Variants in DAB1 observed in about 807,000 individuals in gnomAD.
DAB1 encodes the protein disabled homolog 1.
A neutral mutation model predicts 64.6 loss-of-function variants in DAB1; 15 were observed. The observed-to-expected ratio is 0.23, with a 90% CI of 0.16 to 0.36. DAB1 has a LOEUF of 0.36. DAB1 is among the 10% of genes least tolerant of loss of function. The probability of loss-of-function intolerance (pLI) is 1.00; values close to 1 mark genes in which losing one functional copy is unlikely to be tolerated. For missense variants in DAB1, 596 were observed against 706.7 expected (o/e 0.84, Z 1.78); for synonymous variants, 235 against 251.9 (o/e 0.93, Z 0.64).
chr1:57,795,876 T>G (rs989467154), intron 6 of DAB1, among the ~76,000 whole-genome samples: 2 of 151,334 alleles, frequency 1.3e-5, no homozygotes, highest in African/African-American at 4.9e-5. Context: ...TTAGTCAGTA[T>G]AGTGGGAAAA....
chr1:58,149,368 A>C (rs1483279792), intron 5 of DAB1, among the ~76,000 whole-genome samples: 2 of 152,186 alleles, frequency 1.3e-5, no homozygotes, highest in African/African-American at 4.8e-5. Context: ...GAAAGAAGGA[A>C]AGACTTTATT....
chr1:58,113,511 A>G (rs1250934724), intron 5 of DAB1, among the ~76,000 whole-genome samples: 2 of 152,160 alleles, frequency 1.3e-5, no homozygotes, highest in Non-Finnish European at 2.9e-5. Context: ...TCAAAAGCTG[A>G]AGCACAAATG....
chr1:58,288,183 T>G (rs560238955), intron 4 of DAB1, among the ~76,000 whole-genome samples: 1 of 152,280 alleles, frequency 6.6e-6, no homozygotes, highest in African/African-American at 2.4e-5. Flanking sequence ...ACATTTAAAC[T>G]GACAAATTAT....
intron 4 of DAB1, among the ~76,000 whole-genome samples, chr1:57,118,542 C>CA (rs1374930563): frequency 6.6e-6 from 1 of 152,104 alleles, no homozygotes; most frequent in African/African-American, 2.4e-5. Flanking sequence ...GAATAAGGAC[C>CA]AATGTATGAA....
In DAB1 at chr1:57,455,200, C is replaced by T. The variant is rs181005291; in HGVS notation, n.626-164034G>A. On this transcript the variant is annotated intron_variant and non_coding_transcript_variant, in intron 7 of 20. Transcript: ENST00000485760. ...TAAGTAATTATGCTTGGCATATAAACAGTTCCTAGGGGTAGCAGGGATGAG... is the reference window on the plus strand; with the variant it reads ...TAAGTAATTATGCTTGGCATATAAATAGTTCCTAGGGGTAGCAGGGATGAG... Among the ~76,000 whole-genome samples, 334 of 152,262 alleles carry T rather than the reference C, an allele frequency of 2.2e-3. 2 individuals are homozygous for T. Among genetic ancestry groups the T allele is most frequent in the African/African-American group, 7.5e-3 (311 of 41,550 alleles).
intron 7 of DAB1, among the ~76,000 whole-genome samples, chr1:57,465,830 G>GA (rs1314279017): frequency 6.6e-6 from 1 of 152,124 alleles, no homozygotes; most frequent in Non-Finnish European, 1.5e-5. Context: ...AGTGAACAGA[G>GA]AAAAAACTGA....
At chr1:57,092,420 G>T (rs1260539522) in intron 4 of DAB1, among the ~76,000 whole-genome samples, 1 of 152,070 alleles carries the variant, frequency 6.6e-6, no homozygotes. Flanking sequence ...TATCCCCCAT[G>T]CTGTTCTCAT....
intron 5 of DAB1, 82 bp downstream of exon 5, chr1:57,072,201 G>A: frequency 6.9e-7 from 1 of 1,458,812 alleles, no homozygotes; most frequent in Non-Finnish European, 9.5e-7. Flanking sequence ...TCTGAGAGTG[G>A]GCCCTCAAAG....
At chr1:57,098,822 G>T (rs1654408286) in intron 4 of DAB1, among the ~76,000 whole-genome samples, 1 of 151,992 alleles carries the variant, frequency 6.6e-6, no homozygotes, top group African/African-American at 2.4e-5. Flanking sequence ...ATTGCCCTGG[G>T]GATGATATTA....
chr1:57,711,230 T>C (rs1457549679), intron 6 of DAB1, among the ~76,000 whole-genome samples: 1 of 152,238 alleles, frequency 6.6e-6, no homozygotes, highest in Non-Finnish European at 1.5e-5. Context: ...AACTAAATGT[T>C]TCCCAAAGTT....
intron 5 of DAB1, among the ~76,000 whole-genome samples, chr1:57,969,959 C>T (rs747012701): frequency 2.6e-5 from 4 of 152,060 alleles, no homozygotes; most frequent in African/African-American, 4.8e-5. Context: ...GTGATTAGGT[C>T]TTAGAGGTAA....
chr1:57,927,825 A>G (rs952089454), intron 5 of DAB1, among the ~76,000 whole-genome samples: 2 of 152,180 alleles, frequency 1.3e-5, no homozygotes, highest in African/African-American at 4.8e-5. Flanking sequence ...TATCCCCAAC[A>G]TGATAAAAAC....
At chr1:58,392,294 C>T (rs995718494) in intron 3 of DAB1, among the ~76,000 whole-genome samples, 3 of 152,208 alleles carry the variant, frequency 2.0e-5, no homozygotes, top group Non-Finnish European at 4.4e-5. Flanking sequence ...CAGTGACCTT[C>T]AAGATGTAAC....
chr1:58,243,904 C>A (rs1211259251), intron 4 of DAB1, among the ~76,000 whole-genome samples: 1 of 151,672 alleles, frequency 6.6e-6, no homozygotes, highest in Non-Finnish European at 1.5e-5. Flanking sequence ...TCTTTTTAGA[C>A]AATTATCCTT....
At chr1:57,842,394 A>G (rs1386608398) in intron 1 of DAB1, among the ~76,000 whole-genome samples, 1 of 152,158 alleles carries the variant, frequency 6.6e-6, no homozygotes, top group African/African-American at 2.4e-5. Flanking sequence ...TCTGTCCGTT[A>G]CCTAGTTCAA....
At chr1:58,433,760 T>C (rs1644911613) in intron 3 of DAB1, among the ~76,000 whole-genome samples, 1 of 152,128 alleles carries the variant, frequency 6.6e-6, no homozygotes, top group Admixed American at 6.5e-5. Context: ...GAAAGAATAG[T>C]ATTAACTCAT....
At chr1:57,142,598 T>TCA (rs149545090) in intron 3 of DAB1, among the ~76,000 whole-genome samples, 58,764 of 142,490 alleles carry the variant, frequency 0.41, 12,623 homozygotes, top group Non-Finnish European at 0.51. Flanking sequence ...TCACTGCAGG[T>TCA]CACACACACA....
At chr1:58,305,820 A>G (rs1056659390) in intron 4 of DAB1, among the ~76,000 whole-genome samples, 1 of 152,210 alleles carries the variant, frequency 6.6e-6, no homozygotes, top group Non-Finnish European at 1.5e-5. Flanking sequence ...TGTGCAAAGA[A>G]TGCCTTGAAC....
intron 6 of DAB1, among the ~76,000 whole-genome samples, chr1:57,695,289 G>GAAA (rs1557427612): frequency 1.5e-5 from 1 of 65,640 alleles, no homozygotes; most frequent in Non-Finnish European, 2.8e-5. Flanking sequence ...AGGAAGAAAG[G>GAAA]GAGAGAGAAG....
Sources: gnomAD v4.1 joint callset for allele counts (sites outside exome capture counted in the v4.1 genomes callset) on GRCh38, gnomAD v4.1.1 for gene constraint, MANE v1.5 for transcripts, NCBI Gene and HGNC (gene_info 2026-07-23, HGNC 2026-07-21) for gene names.